PARD3B: variants seen among roughly 807,000 people sequenced by gnomAD.
The protein encoded by PARD3B is partitioning defective 3 homolog B.
A neutral mutation model predicts 130.2 loss-of-function variants in PARD3B; 103 were observed. The observed-to-expected ratio is 0.79, with a 90% CI of 0.67 to 0.93. PARD3B has a LOEUF of 0.93. Ranked by LOEUF, PARD3B falls within the 40% of genes least tolerant of loss-of-function variation. The pLI is 0.00. For missense variants in PARD3B, 1,609 were observed against 1,499.2 expected (o/e 1.07, Z -1.21); for synonymous variants, 583 against 553.2 (o/e 1.05, Z -0.76).
intron 1 of PARD3B, among the ~76,000 whole-genome samples, chr2:204,556,527 TGAA>T (rs2030933053): frequency 6.6e-6 from 1 of 152,110 alleles, no homozygotes; most frequent in Non-Finnish European, 1.5e-5. Context: ...TGAAAGATGA[TGAA>T]GAATTTTCCA....
intron 1 of PARD3B, among the ~76,000 whole-genome samples, chr2:204,642,382 CT>C (rs2035108141): frequency 6.6e-6 from 1 of 152,136 alleles, no homozygotes; most frequent in South Asian, 2.1e-4. Context: ...CAGAGTGTTG[CT>C]GTTTATTAGC....
intron 19 of PARD3B, among the ~76,000 whole-genome samples, chr2:205,406,675 T>C (rs904898030): frequency 7.0e-6 from 1 of 143,768 alleles, no homozygotes; most frequent in Non-Finnish European, 1.5e-5. Context: ...TTTTTTTTTT[T>C]TTTTTTTTTT....
At position 205,405,956 on chromosome 2, in the gene PARD3B, A is replaced by T. The variant is rs992955466; in HGVS notation, c.2741+4833A>T. On this transcript the variant is annotated intron_variant, in intron 19 of 22. Coordinates refer to ENST00000406610, the MANE Select transcript of PARD3B (RefSeq NM_001302769.2). The surrounding 1 kb of genome is among the most constrained non-coding windows in gnomAD (Gnocchi z 4.1). ...AAAGCTTAATCTGGTCCTAAGCTAC[A>T]TTACTGGAAGTTCATGTACAAAATA... 1.6e-4 allele frequency among the ~76,000 whole-genome samples: 24 copies of T among 152,230 alleles called. 1 individual carries two copies. The highest frequency in any genetic ancestry group is 4.6e-4 in the Admixed American group (7 of 15,280).
chr2:205,051,423 CAG>C (rs1243676637), intron 4 of PARD3B, among the ~76,000 whole-genome samples: 1 of 152,198 alleles, frequency 6.6e-6, no homozygotes, highest in Non-Finnish European at 1.5e-5. Context: ...AAGTAATTCA[CAG>C]ATGGCAGAGC....
intron 2 of PARD3B, among the ~76,000 whole-genome samples, chr2:204,904,436 G>A (rs1034664902): frequency 4.6e-5 from 7 of 152,030 alleles, no homozygotes; most frequent in Non-Finnish European, 8.8e-5. Context: ...TTTCTTTTGT[G>A]GCTTCTTCCA....
intron 2 of PARD3B, among the ~76,000 whole-genome samples, chr2:204,765,678 T>G (rs967446935): frequency 6.6e-6 from 1 of 152,236 alleles, no homozygotes; most frequent in Non-Finnish European, 1.5e-5. Context: ...AAGTACCATT[T>G]AATTTTCTTT....
intron 18 of PARD3B, among the ~76,000 whole-genome samples, chr2:205,346,031 C>T (rs1417131722): frequency 1.6e-5 from 2 of 128,272 alleles, no homozygotes; most frequent in Admixed American, 1.8e-4. Context: ...ATTAGCCGGG[C>T]GTGGTGGCGC....
intron 19 of PARD3B, among the ~76,000 whole-genome samples, chr2:205,416,302 C>A (rs908645962): frequency 3.3e-5 from 5 of 151,872 alleles, no homozygotes; most frequent in African/African-American, 9.7e-5. Context: ...CTGGTAATAC[C>A]CTGCTACATC....
chr2:204,970,541 T>C (rs1575446522), intron 3 of PARD3B, among the ~76,000 whole-genome samples: 1 of 152,346 alleles, frequency 6.6e-6, no homozygotes, highest in East Asian at 1.9e-4. Flanking sequence ...AATACCAAGC[T>C]GAGTTTGAAT....
At chr2:204,862,695 C>T (rs142688106) in intron 2 of PARD3B, among the ~76,000 whole-genome samples, 3 of 152,280 alleles carry the variant, frequency 2.0e-5, no homozygotes, top group Non-Finnish European at 2.9e-5. Context: ...GTCACCAGAG[C>T]CTCACTTTTT....
At chr2:204,746,373 G>A (rs554265327) in intron 2 of PARD3B, among the ~76,000 whole-genome samples, 1 of 151,728 alleles carries the variant, frequency 6.6e-6, no homozygotes, top group African/African-American at 2.4e-5. Flanking sequence ...TCTTAATCCA[G>A]TCTATCACTG....
intron 18 of PARD3B, among the ~76,000 whole-genome samples, chr2:205,323,575 G>C (rs895009926): frequency 3.9e-5 from 6 of 152,132 alleles, no homozygotes; most frequent in African/African-American, 7.2e-5. Context: ...ATGTAATCTA[G>C]CCTCTGTAGA....
At chr2:205,441,701 A>T (rs1341442847) in intron 20 of PARD3B, among the ~76,000 whole-genome samples, 1 of 152,208 alleles carries the variant, frequency 6.6e-6, no homozygotes, top group Non-Finnish European at 1.5e-5. Flanking sequence ...TGCACTTTCA[A>T]TTAGGTTGGG....
At chr2:204,619,907 C>G (rs187427810) in intron 1 of PARD3B, among the ~76,000 whole-genome samples, 7 of 152,304 alleles carry the variant, frequency 4.6e-5, no homozygotes, top group Admixed American at 1.3e-4. Flanking sequence ...GGGAAGGGTG[C>G]TCTACTTATT....
rs991322096 is a variant in PARD3B at position 205,265,988 on chromosome 2, G to A, written c.2185+20166G>A. On this transcript the variant is annotated intron_variant, in intron 16 of 22. Coordinates refer to ENST00000406610, the MANE Select transcript of PARD3B (RefSeq NM_001302769.2). This position sits in a 1 kb window ranked among gnomAD's most constrained non-coding sequence, Gnocchi z 4.3. ...ACATCCTATAAGGCATCAGTCAGAA[G>A]ACTCATTAGAAACATCATACTAAAA... Among the ~76,000 whole-genome samples, 2 of 152,040 alleles carry A rather than the reference G, an allele frequency of 1.3e-5. No homozygotes were observed. Among genetic ancestry groups the A allele is most frequent in the Non-Finnish European group, 2.9e-5 (2 of 67,970 alleles).
chr2:205,401,628 G>A (rs1055522532), intron 19 of PARD3B, among the ~76,000 whole-genome samples: 2 of 152,172 alleles, frequency 1.3e-5, no homozygotes, highest in African/African-American at 2.4e-5. Flanking sequence ...ATCTGTTAAA[G>A]GGCCGGCTTC....
intron 10 of PARD3B, among the ~76,000 whole-genome samples, chr2:205,147,843 C>T (rs2033472700): frequency 6.6e-6 from 1 of 152,130 alleles, no homozygotes; most frequent in Admixed American, 6.5e-5. Context: ...AAACTCTTCT[C>T]TTATTTATTG....
chr2:204,601,498 G>A (rs74564867), intron 1 of PARD3B, among the ~76,000 whole-genome samples: 2,600 of 151,922 alleles, frequency 0.017, 48 homozygotes, highest in Middle Eastern at 0.034. Flanking sequence ...GAATGATTAT[G>A]GTATGTGATA....
At chr2:205,112,690 G>A (rs1317928546) in intron 5 of PARD3B, among the ~76,000 whole-genome samples, 1 of 152,010 alleles carries the variant, frequency 6.6e-6, no homozygotes. Flanking sequence ...TGAAAACTTG[G>A]TAGTTCTACT....
Sources: allele counts gnomAD v4.1 joint callset (sites outside exome capture counted in the v4.1 genomes callset), GRCh38; gene constraint gnomAD v4.1.1; non-coding constraint Gnocchi (gnomAD v3.1); transcripts MANE v1.5; gene names NCBI Gene and HGNC (gene_info 2026-07-23, HGNC 2026-07-21).